The following SAMTOR variants were observed in gnomAD, a reference collection of about 807,000 sequenced individuals.
SAMTOR encodes the protein S-adenosylmethionine sensor upstream of mTORC1.
At chr7:112,872,277 C>G in the SAMTOR span, among the ~76,000 whole-genome samples, 2 of 151,958 alleles carry the variant, frequency 1.3e-5, no homozygotes, top group Non-Finnish European at 2.9e-5. Context: ...AAAGTTAATT[C>G]ATGATTAAGT....
chr7:112,855,883 C>T, the SAMTOR span, among the ~76,000 whole-genome samples: 1 of 151,816 alleles, frequency 6.6e-6, no homozygotes, highest in African/African-American at 2.4e-5. Flanking sequence ...AGAATCTTGC[C>T]TACCTCACCA....
the SAMTOR span, among the ~76,000 whole-genome samples, chr7:112,860,323 T>C: frequency 1.3e-5 from 2 of 152,156 alleles, no homozygotes; most frequent in East Asian, 1.9e-4. Context: ...GCTATATATA[T>C]ATACCCATTC....
At chr7:112,865,812 A>G in the SAMTOR span, among the ~76,000 whole-genome samples, 2 of 145,406 alleles carry the variant, frequency 1.4e-5, no homozygotes, top group Admixed American at 1.4e-4. Context: ...TTATATATTT[A>G]TTCATATATA....
the SAMTOR span, among the ~76,000 whole-genome samples, chr7:112,827,889 A>T: frequency 6.6e-6 from 1 of 151,758 alleles, no homozygotes; most frequent in South Asian, 2.1e-4. Context: ...TAACTTTTTT[A>T]TTTTTTGTAG....
chr7:112,854,811 C>T, the SAMTOR span, among the ~76,000 whole-genome samples: 1 of 152,114 alleles, frequency 6.6e-6, no homozygotes, highest in African/African-American at 2.4e-5. Flanking sequence ...GCAAGTATAT[C>T]TGGTTTCTAA....
the SAMTOR span, among the ~76,000 whole-genome samples, chr7:112,854,372 G>C: frequency 0.04 from 6,151 of 152,118 alleles, 338 homozygotes; most frequent in African/African-American, 0.12. Flanking sequence ...CATTGCAAGA[G>C]GTAAGTGTGG....
the SAMTOR span, chr7:112,915,228 C>T: frequency 7.1e-6 from 10 of 1,418,434 alleles, no homozygotes; most frequent in Non-Finnish European, 9.5e-6. Context: ...CAGAGCAAGA[C>T]TCCGTCTCAG....
chr7:112,856,220 A>G, the SAMTOR span, among the ~76,000 whole-genome samples: 1 of 152,108 alleles, frequency 6.6e-6, no homozygotes, highest in Non-Finnish European at 1.5e-5. Context: ...TTTTTAAAAA[A>G]GAAAAGTGTA....
the SAMTOR span, among the ~76,000 whole-genome samples, chr7:112,929,814 C>A: frequency 6.6e-5 from 10 of 151,958 alleles, no homozygotes; most frequent in African/African-American, 2.4e-4. Context: ...TACAGAGATG[C>A]ATGCATTGTC....
At chr7:112,939,638 C>T in the SAMTOR span, 3 of 1,613,812 alleles carry the variant, frequency 1.9e-6, no homozygotes, top group African/African-American at 1.3e-5. Context: ...CTTCACCACA[C>T]CGGAGAGCTT....
the SAMTOR span, among the ~76,000 whole-genome samples, chr7:112,888,038 C>T: frequency 2.6e-4 from 40 of 152,070 alleles, no homozygotes; most frequent in African/African-American, 9.4e-4. Context: ...ATTGATTTTG[C>T]ACCTTCTTTT....
At chr7:112,868,004 A>T in the SAMTOR span, among the ~76,000 whole-genome samples, 1 of 152,160 alleles carries the variant, frequency 6.6e-6, no homozygotes, top group South Asian at 2.1e-4. Context: ...CATGCAAAGG[A>T]TCTAGGTGGA....
chr7:112,878,474 T>C, the SAMTOR span, among the ~76,000 whole-genome samples: 2 of 152,174 alleles, frequency 1.3e-5, no homozygotes, highest in African/African-American at 4.8e-5. Flanking sequence ...CAGAGCACAC[T>C]GAGATTTGCT....
At chr7:112,837,524 C>G in the SAMTOR span, among the ~76,000 whole-genome samples, 1 of 151,950 alleles carries the variant, frequency 6.6e-6, no homozygotes, top group Non-Finnish European at 1.5e-5. Flanking sequence ...GGAATTTTAT[C>G]AAATGCATTC....
chr7:112,920,872 A>G, the SAMTOR span, among the ~76,000 whole-genome samples: 1 of 152,174 alleles, frequency 6.6e-6, no homozygotes, highest in Admixed American at 6.5e-5. Flanking sequence ...TAAAATACCT[A>G]GGAATCCAAC....
the SAMTOR span, chr7:112,939,869 G>A: frequency 2.4e-5 from 18 of 760,768 alleles, no homozygotes; most frequent in Admixed American, 1.1e-4. Context: ...AGAGGAACCG[G>A]AGCGACAGCC....
At chr7:112,915,467 T>C in the SAMTOR span, 6 of 1,561,066 alleles carry the variant, frequency 3.8e-6, no homozygotes, top group Non-Finnish European at 5.2e-6. Flanking sequence ...AAGTGATAAA[T>C]GAATTAAGTT....
the SAMTOR span, among the ~76,000 whole-genome samples, chr7:112,883,051 C>T: frequency 6.6e-6 from 1 of 152,148 alleles, no homozygotes; most frequent in African/African-American, 2.4e-5. Flanking sequence ...TATTGTCATG[C>T]AGTATATTAC....
At chr7:112,900,686 G>C in the SAMTOR span, among the ~76,000 whole-genome samples, 1 of 151,972 alleles carries the variant, frequency 6.6e-6, no homozygotes, top group African/African-American at 2.4e-5. Context: ...TGAAAGAAAA[G>C]ACAAATACAT....
Sources: allele counts gnomAD v4.1 joint callset (sites outside exome capture counted in the v4.1 genomes callset), GRCh38; gene constraint gnomAD v4.1.1; transcripts MANE v1.5; gene names NCBI Gene and HGNC (gene_info 2026-07-23, HGNC 2026-07-21).